MEIS2: variants seen among roughly 807,000 people sequenced by gnomAD.
MEIS2 encodes the protein Meis homeobox 2, also known as homeobox protein Meis2.
In MEIS2, 9 loss-of-function variants were observed where a neutral mutation model predicts 58.6. The ratio of observed to expected loss-of-function variants is 0.15; its 90% CI spans 0.09 to 0.27. The LOEUF (loss-of-function observed/expected upper bound fraction) is 0.27. MEIS2 is among the 10% of genes least tolerant of loss of function. MEIS2 has a pLI of 1.00. For missense variants in MEIS2, 427 were observed against 635.0 expected, an observed-to-expected ratio of 0.67 and a Z score of 3.52; for synonymous variants, 221 against 228.4, an observed-to-expected ratio of 0.97 and a Z score of 0.29.
At chr15:36,983,482 CTATTCTATTTCAT>C (rs1406361916) in intron 8 of MEIS2, among the ~76,000 whole-genome samples, 1 of 151,848 alleles carries the variant, frequency 6.6e-6, no homozygotes. Flanking sequence ...TCTAGGTTCT[CTATTCTATTTCAT>C]TAGTCTATAT....
intron 7 of MEIS2, among the ~76,000 whole-genome samples, chr15:37,042,985 G>T (rs1316613439): frequency 6.6e-6 from 1 of 152,148 alleles, no homozygotes; most frequent in African/African-American, 2.4e-5. Context: ...TGATTACAAC[G>T]ATATATTCAC....
intron 5 of MEIS2, 84 bp from the exon 6 acceptor site, chr15:37,093,814 G>T: frequency 1.3e-6 from 2 of 1,569,658 alleles, no homozygotes; most frequent in South Asian, 1.1e-5. Context: ...AAAAATACCA[G>T]GTTGCAAGGT....
At chr15:36,922,619 C>CTTTT (rs59227539) in intron 9 of MEIS2, among the ~76,000 whole-genome samples, 48 of 126,856 alleles carry the variant, frequency 3.8e-4, no homozygotes, top group African/African-American at 4.0e-4. Flanking sequence ...TTCTTTCTTT[C>CTTTT]TTTTTTTTTT....
chr15:37,046,461 T>TG (rs2062674867), intron 7 of MEIS2, among the ~76,000 whole-genome samples: 1 of 151,808 alleles, frequency 6.6e-6, no homozygotes, highest in South Asian at 2.1e-4. Context: ...AAGTGGTGGG[T>TG]GAAAAAAAAA....
At chr15:37,096,174 G>C in intron 3 of MEIS2, 115 bp downstream of exon 3, 1 of 1,201,836 alleles carries the variant, frequency 8.3e-7, no homozygotes, top group Non-Finnish European at 1.2e-6. Flanking sequence ...GAGCGGACTG[G>C]GCCAGAGGAA....
At chr15:37,022,762 T>A (rs891848205) in intron 8 of MEIS2, among the ~76,000 whole-genome samples, 1 of 152,124 alleles carries the variant, frequency 6.6e-6, no homozygotes, top group Non-Finnish European at 1.5e-5. Context: ...ATTCAAGCAA[T>A]TCTCCTGCCT....
chr15:37,015,742 T>C (rs145904945), intron 8 of MEIS2, among the ~76,000 whole-genome samples: 16 of 152,052 alleles, frequency 1.1e-4, no homozygotes, highest in African/African-American at 2.7e-4. Flanking sequence ...ACCTTTTTTT[T>C]CCCCCTGTGC....
intron 8 of MEIS2, among the ~76,000 whole-genome samples, chr15:37,006,135 AT>A (rs371092792): frequency 1.0e-3 from 159 of 152,000 alleles, no homozygotes; most frequent in African/African-American, 1.4e-3. Flanking sequence ...CATAATACAC[AT>A]TTTTTTTGCA....
chr15:37,020,267 T>A (rs1403218362), intron 8 of MEIS2, among the ~76,000 whole-genome samples: 2 of 151,758 alleles, frequency 1.3e-5, no homozygotes, highest in African/African-American at 2.4e-5. Context: ...GGGAAATGAG[T>A]CTCGTCTGCT....
Position 37,093,725 on chromosome 15 carries a change from G to T in MEIS2, c.495C>A (p.His165Gln). The change falls in exon 6 of 12, where the codon CAC (histidine) becomes CAA (glutamine). Residue 165 changes from histidine to glutamine, a missense_variant. This residue lies in a region of MEIS2 where 138 missense variants were observed against 263.0 expected (regional missense o/e 0.52). Transcript: ENST00000561208. Reference sequence around the variant, plus strand: ...GGTGGCAGAAGTTATCGCACAGTTCGTGGACCTAGAACGAAGGTCATGGTG... The same window carrying T: ...GGTGGCAGAAGTTATCGCACAGTTCTTGGACCTAGAACGAAGGTCATGGTG... The part of the protein sequence containing the change: ...RFHLLELEKV[H>Q]ELCDNFCHRY... The T allele has an allele frequency of 6.2e-7, 1 of 1,614,124 alleles. No homozygotes were observed. The highest frequency in any genetic ancestry group is 8.5e-7 in the Non-Finnish European group (1 of 1,179,998).
intron 8 of MEIS2, among the ~76,000 whole-genome samples, chr15:36,952,585 G>GTCTA (rs2058790846): frequency 1.4e-5 from 1 of 69,980 alleles, no homozygotes; most frequent in African/African-American, 9.9e-5. Context: ...GGGTTGTAGA[G>GTCTA]TCTGTCTGTC....
chr15:36,896,744 C>G, intron 9 of MEIS2, 58 bp from the exon 10 acceptor site: 1 of 1,377,960 alleles, frequency 7.3e-7, no homozygotes, highest in Non-Finnish European at 1.0e-6. Flanking sequence ...CTGCGAACAC[C>G]TTTGCATGAA....
At chr15:37,041,279 T>A (rs1454057508) in intron 7 of MEIS2, among the ~76,000 whole-genome samples, 1 of 152,176 alleles carries the variant, frequency 6.6e-6, no homozygotes, top group African/African-American at 2.4e-5. Context: ...CTGTTAATCA[T>A]CCCTGCAGGT....
intron 6 of MEIS2, among the ~76,000 whole-genome samples, chr15:37,092,213 C>A (rs1011646333): frequency 6.6e-6 from 1 of 152,210 alleles, no homozygotes; most frequent in South Asian, 2.1e-4. Context: ...TCCCAGACTG[C>A]GGTTTTCTTT....
chr15:36,979,660 C>A (rs1226976885), intron 8 of MEIS2, among the ~76,000 whole-genome samples: 1 of 148,682 alleles, frequency 6.7e-6, no homozygotes, highest in East Asian at 1.9e-4. Context: ...ATTAAAATTA[C>A]ACTTTGCATA....
Position 37,054,979 on chromosome 15 carries a change from T to C in MEIS2, c.755-18020A>G, listed in dbSNP as rs539347580. Among the ~76,000 whole-genome samples the C allele has an allele frequency of 4.6e-5, 7 of 152,318 alleles. No homozygotes were observed. The South Asian group carries it at 1.5e-3, about 32-fold the overall frequency. On this transcript the variant is annotated intron_variant, in intron 7 of 11. Coordinates refer to ENST00000561208, the MANE Select transcript of MEIS2 (RefSeq NM_170675.5). The stretch of plus-strand genomic sequence containing the variant: ...CACTCTGCTAAACACTTTATATGAA[T>C]TCCTTTGTTTAATTCTCATCATCCT...
intron 8 of MEIS2, among the ~76,000 whole-genome samples, chr15:36,957,703 T>G (rs577436942): frequency 6.6e-6 from 1 of 152,352 alleles, no homozygotes; most frequent in South Asian, 2.1e-4. Context: ...TAAAGAATTA[T>G]TTAACCTCAA....
intron 8 of MEIS2, among the ~76,000 whole-genome samples, chr15:37,001,141 C>T (rs927103730): frequency 5.3e-5 from 8 of 152,224 alleles, no homozygotes; most frequent in African/African-American, 1.9e-4. Context: ...ATACTGGGGG[C>T]TCAGGCTTCA....
chr15:36,912,387 G>C (rs947060777), intron 9 of MEIS2, among the ~76,000 whole-genome samples: 7 of 152,120 alleles, frequency 4.6e-5, no homozygotes, highest in African/African-American at 1.7e-4. Context: ...CTGCAGCTTA[G>C]AGCCGTAATG....
Sources: gnomAD v4.1 joint callset for allele counts (sites outside exome capture counted in the v4.1 genomes callset) on GRCh38, gnomAD v4.1.1 for gene constraint, gnomAD v4.1.1 regional missense constraint, MANE v1.5 for transcripts, NCBI Gene and HGNC (gene_info 2026-07-23, HGNC 2026-07-21) for gene names.